PIK3R3: variants seen among roughly 807,000 people sequenced by gnomAD.
PIK3R3 encodes the protein phosphatidylinositol 3-kinase regulatory subunit gamma.
In PIK3R3, 64 loss-of-function variants were observed where a neutral mutation model predicts 62.9. That is an observed-to-expected ratio of 1.02 (90% CI 0.83 to 1.25). The LOEUF (loss-of-function observed/expected upper bound fraction) is 1.25. Ranked by LOEUF, PIK3R3 falls within the 50% of genes most tolerant of loss-of-function variation. The probability of loss-of-function intolerance (pLI) is 0.00; values close to 1 mark genes in which losing one functional copy is unlikely to be tolerated. For synonymous variants in PIK3R3, 165 were observed against 189.0 expected (o/e 0.87, Z 1.04); for missense variants, 614 against 561.6 (o/e 1.09, Z -0.94).
At chr1:46,103,992 C>G (rs2149445580) in intron 1 of PIK3R3, among the ~76,000 whole-genome samples, 1 of 152,118 alleles carries the variant, frequency 6.6e-6, no homozygotes, top group East Asian at 1.9e-4. Context: ...GTGACGTGAT[C>G]TCAGCTCACT....
At chr1:46,055,680 A>G in intron 7 of PIK3R3, 115 bp downstream of exon 7, 3 of 709,806 alleles carry the variant, frequency 4.2e-6, no homozygotes, top group East Asian at 5.5e-5. Context: ...TTACCATCTT[A>G]CTGGCCAATT....
chr1:46,048,163 G>T (rs923020273), intron 7 of PIK3R3: 3 of 152,170 alleles, frequency 2.0e-5, no homozygotes, highest in Admixed American at 6.5e-5. Flanking sequence ...CCTGTTCATG[G>T]CTATGTTGCC....
the PIK3R3 span, among the ~76,000 whole-genome samples, chr1:46,162,021 G>T: frequency 1.3e-5 from 2 of 151,886 alleles, no homozygotes; most frequent in African/African-American, 4.8e-5. Context: ...GAACCCGGGA[G>T]GCGGAGCTTG....
the PIK3R3 span, among the ~76,000 whole-genome samples, chr1:46,153,287 T>G: frequency 6.6e-6 from 1 of 152,220 alleles, no homozygotes; most frequent in Non-Finnish European, 1.5e-5. Flanking sequence ...TTCCTACTTG[T>G]AGGAATTAAC....
At chr1:46,060,603 C>G (rs1328452131) in intron 6 of PIK3R3, among the ~76,000 whole-genome samples, 1 of 152,206 alleles carries the variant, frequency 6.6e-6, no homozygotes, top group Non-Finnish European at 1.5e-5. Flanking sequence ...GAAGAGAAAA[C>G]AGACTGAGAA....
intron 8 of PIK3R3, 147 bp downstream of exon 8, chr1:46,046,404 C>T (rs41285908): frequency 0.011 from 7,162 of 647,882 alleles, 52 homozygotes; most frequent in Non-Finnish European, 0.014. Flanking sequence ...AGGGTACCTT[C>T]AGGCAATTCA....
At chr1:46,134,234 A>C (rs778040500), upstream of PIK3R3, among the ~76,000 whole-genome samples, 2 of 152,204 alleles carry the variant, frequency 1.3e-5, no homozygotes, top group Non-Finnish European at 2.9e-5. Context: ...CATGTCTGCT[A>C]TATTGATTCG....
At chr1:46,065,123 A>C (rs960647614) in intron 5 of PIK3R3, among the ~76,000 whole-genome samples, 1 of 152,222 alleles carries the variant, frequency 6.6e-6, no homozygotes, top group Non-Finnish European at 1.5e-5. Flanking sequence ...ATACAGTTAA[A>C]TACATTTTCC....
At position 46,062,061 on chromosome 1, in the gene PIK3R3, A is replaced by T. The variant is rs372601432; in HGVS notation, c.632T>A (p.Met211Lys). 1 of 1,608,390 alleles carries T rather than the reference A, an allele frequency of 6.2e-7. No individual in the cohort carries two copies. Among genetic ancestry groups the T allele is most frequent in the Non-Finnish European group, 8.5e-7 (1 of 1,178,024 alleles). The change falls in exon 6 of 10, where the codon ATG (methionine) becomes AAG (lysine). Residue 211 changes from methionine (M) to lysine (K), a missense_variant. By Grantham distance (95) the Met-to-Lys change is moderately conservative. Transcript: ENST00000262741. ...EYTRTSQEIQ[M>K]KRTAIEAFNE... Reference sequence around the variant, plus strand: ...AAAAGCTTCTATTGCAGTCCTCTTCATCTGTATTTCCTACAGGAGAGAAAA... The same window carrying T: ...AAAAGCTTCTATTGCAGTCCTCTTCTTCTGTATTTCCTACAGGAGAGAAAA...
At chr1:46,132,685 C>T (rs766185844), upstream of PIK3R3, 3 of 1,289,742 alleles carry the variant, frequency 2.3e-6, no homozygotes, top group South Asian at 1.2e-5. Flanking sequence ...CCCTCCCCGC[C>T]CCATGCTGCC....
intron 1 of PIK3R3, among the ~76,000 whole-genome samples, chr1:46,086,033 G>A (rs1350703772): frequency 1.3e-5 from 2 of 151,994 alleles, no homozygotes; most frequent in African/African-American, 2.4e-5. Flanking sequence ...GGCCACTCAC[G>A]CCTGGCCTAT....
chr1:46,046,281 T>C (rs1647114367), intron 8 of PIK3R3, among the ~76,000 whole-genome samples, 193 bp from the exon 9 acceptor site: 1 of 152,188 alleles, frequency 6.6e-6, no homozygotes, highest in South Asian at 2.1e-4. Context: ...AGCTGAAATA[T>C]GAACATCTGA....
chr1:46,041,782 TTGTCTC>T lies in PIK3R3; in HGVS notation c.*1885_*1890del, dbSNP rs1647001224. 1 of 207,280 alleles carries T rather than the reference TTGTCTC, an allele frequency of 4.8e-6. No individual in the cohort carries two copies. 12.8% of individuals were successfully genotyped at this position (207,280 alleles called of 1,614,324 possible). The stretch of plus-strand genomic sequence containing the variant: ...TAAATGACTTTAGAGGGGGGTTCAT[TTGTCTC>T]TGTCTCACCCAATCCTGAAACTGCA... On this transcript the variant is annotated 3_prime_UTR_variant, in exon 10 of 10. Transcript: ENST00000262741.
intron 1 of PIK3R3, among the ~76,000 whole-genome samples, chr1:46,098,761 T>A (rs1237499085): frequency 2.0e-5 from 3 of 152,214 alleles, no homozygotes; most frequent in Non-Finnish European, 4.4e-5. Context: ...TGGAGTGCAG[T>A]GGCACTATCA....
intron 1 of PIK3R3, among the ~76,000 whole-genome samples, chr1:46,119,863 G>A (rs938242498): frequency 1.3e-4 from 20 of 148,612 alleles, no homozygotes; most frequent in Admixed American, 1.2e-3. Context: ...GCGCAGCCTC[G>A]ACTTCCAGGG....
upstream of PIK3R3, among the ~76,000 whole-genome samples, chr1:46,135,082 A>G (rs150874229): frequency 7.2e-4 from 109 of 152,360 alleles, no homozygotes; most frequent in African/African-American, 2.4e-3. Flanking sequence ...GTGCCCTGCC[A>G]TGGGGGAAAG....
chr1:46,135,872 A>C (rs1433633855), upstream of PIK3R3, among the ~76,000 whole-genome samples: 1 of 152,046 alleles, frequency 6.6e-6, no homozygotes, highest in Non-Finnish European at 1.5e-5. Context: ...TATACTAAAA[A>C]TAAAAAAATT....
intron 1 of PIK3R3, among the ~76,000 whole-genome samples, chr1:46,090,916 T>C (rs1282332789): frequency 6.6e-6 from 1 of 152,164 alleles, no homozygotes; most frequent in Non-Finnish European, 1.5e-5. Context: ...GAGCTTGATT[T>C]ATTGTGGTAT....
the PIK3R3 span, chr1:46,139,188 C>T: frequency 6.6e-6 from 1 of 152,170 alleles, no homozygotes; most frequent in Non-Finnish European, 1.5e-5. Flanking sequence ...AACTGAGTCC[C>T]TCCCGTGGGT....
Sources: allele counts gnomAD v4.1 joint callset (sites outside exome capture counted in the v4.1 genomes callset), GRCh38; gene constraint gnomAD v4.1.1; transcripts MANE v1.5; gene names NCBI Gene and HGNC (gene_info 2026-07-23, HGNC 2026-07-21).